The following ZIM3 variants were observed in gnomAD, a reference collection of about 807,000 sequenced individuals.
The protein encoded by ZIM3 is zinc finger imprinted 3.
A neutral mutation model predicts 12.9 loss-of-function variants in ZIM3; 11 were observed. That is an observed-to-expected ratio of 0.85 (90% confidence interval 0.54 to 1.41). The LOEUF (loss-of-function observed/expected upper bound fraction) is 1.41. ZIM3 is among the 40% of genes most tolerant of loss of function. ZIM3 has a pLI of 0.00. For synonymous variants in ZIM3, 205 were observed against 198.5 expected, an observed-to-expected ratio of 1.03 and a Z score of -0.28; for missense variants, 604 against 557.2, an observed-to-expected ratio of 1.08 and a Z score of -0.85.
At chr19:57,139,463 C>A (rs989597055) in intron 2 of ZIM3, among the ~76,000 whole-genome samples, 1 of 152,066 alleles carries the variant, frequency 6.6e-6, no homozygotes, top group Non-Finnish European at 1.5e-5. Flanking sequence ...TGGTGGCTCA[C>A]ACCTATAATC....
rs1182857038 is a variant in ZIM3, at chr19:57,144,955, C to T, written c.-139G>A. 1 of 152,184 alleles carries T rather than the reference C, an allele frequency of 6.6e-6. No homozygotes were observed. The highest frequency in any genetic ancestry group is 1.5e-5 in the Non-Finnish European group (1 of 68,042). 9.4% of individuals were successfully genotyped at this position (152,184 alleles called of 1,614,324 possible). Reference sequence around the variant, plus strand: ...GACTGAAAATGAAAAGGCGTGTATACTGAAAAGCTACACTAATGACTAAAA... The same window carrying T: ...GACTGAAAATGAAAAGGCGTGTATATTGAAAAGCTACACTAATGACTAAAA... On this transcript the variant is annotated 5_prime_UTR_variant, in exon 1 of 5. Transcript: ENST00000269834.
In ZIM3 at chr19:57,138,488, G is replaced by T; in HGVS notation, c.126C>A (p.Ser42Arg). ...LYRDVMLENY[S>R]NLVSVGQGET... ...CGTCCTTACCCACAGAGACAAGGTT[G>T]CTGTAATTCTCCAGCATCACATCCC... The change falls in exon 3 of 5, where the codon AGC (serine) becomes AGA (arginine). Residue 42 changes from serine to arginine, a missense_variant. By Grantham distance (110) the Ser-to-Arg change is moderately radical (BLOSUM62 -1). Transcript: ENST00000269834. The T allele has an allele frequency of 6.2e-7, 1 of 1,614,178 alleles. No individual in the cohort carries two copies. Among genetic ancestry groups the T allele is most frequent in the Non-Finnish European group, 8.5e-7 (1 of 1,180,034 alleles).
At chr19:57,136,844 T>A in intron 4 of ZIM3, 29 bp downstream of exon 4, 1 of 1,598,890 alleles carries the variant, frequency 6.3e-7, no homozygotes, top group Non-Finnish European at 8.6e-7. Flanking sequence ...CATGCACCAT[T>A]GACCCACAGT....
At position 57,135,548 on chromosome 19, in the gene ZIM3, T is replaced by G. The variant is rs750825182; in HGVS notation, c.789A>C (p.Lys263Asn). Residue 263 changes from lysine to asparagine, a missense_variant, in exon 5 of 5, where the codon AAA becomes AAC. Transcript: ENST00000269834. Reference sequence around the variant, plus strand: ...TTTTCTCATGATTAATGCAGGATGATTTCCAGGAAAAGGCTTTTCCACATG... The same window carrying G: ...TTTTCTCATGATTAATGCAGGATGAGTTCCAGGAAAAGGCTTTTCCACATG... ...CKTCGKAFSW[K>N]SSCINHEKIH... 1.2e-6 allele frequency: 2 copies of G among 1,613,998 alleles called. No individual in the cohort carries two copies. The highest frequency in any genetic ancestry group is 1.7e-6 in the Non-Finnish European group (2 of 1,179,956).
At chr19:57,144,509 A>G (rs2086928874) in intron 1 of ZIM3, among the ~76,000 whole-genome samples, 1 of 152,218 alleles carries the variant, frequency 6.6e-6, no homozygotes, top group African/African-American at 2.4e-5. Flanking sequence ...ACAAAAATAG[A>G]TTAATTAGCT....
Position 57,134,960 on chromosome 19 carries a change from C to T in ZIM3, c.1377G>A (p.Arg459=), listed in dbSNP as rs763467059. Residue 459 remains arginine (R), a synonymous_variant, in exon 5 of 5, where the codon AGG becomes AGA. Coordinates refer to ENST00000269834, the MANE Select transcript of ZIM3 (RefSeq NM_052882.1). ...TTTTCTGGTGCCTAACAAGGTATGA[C>T]CTGTCAGCGAAGGCTTTACCGCATT... ...CSECGKAFAD[R]SYLVRHQKRI... 2.5e-6 allele frequency: 4 copies of T among 1,613,960 alleles called. No individual in the cohort carries two copies. Among genetic ancestry groups the T allele is most frequent in the African/African-American group, 1.3e-5 (1 of 74,886 alleles).
chr19:57,136,040 ACT>A lies in ZIM3; in HGVS notation c.295_296del (p.Leu100ArgfsTer9), dbSNP rs1313988518. 4 of 1,613,730 alleles carry A rather than the reference ACT, an allele frequency of 2.5e-6. No homozygotes were observed. In the African/African-American group the frequency reaches 5.3e-5, roughly 22 times the overall value. On this transcript the variant is annotated frameshift_variant, in exon 5 of 5. Coordinates refer to ENST00000269834, the MANE Select transcript of ZIM3 (RefSeq NM_052882.1). LOFTEE classifies it low-confidence loss of function (END_TRUNC). ...TGATTGATGGGACTTCTCTTGCGAG[ACT>A]CTCTTTCACATCCTTTGGCTTCCAA... ...QIWKPKDVKE[S>X]LAREVPSINK...
chr19:57,139,264 G>A (rs540132390), intron 2 of ZIM3, among the ~76,000 whole-genome samples: 1 of 151,502 alleles, frequency 6.6e-6, no homozygotes, highest in South Asian at 2.1e-4. Flanking sequence ...GGAGGTGGAG[G>A]CTGCAGTGAG....
At chr19:57,136,556 C>T (rs936184772) in intron 4 of ZIM3, among the ~76,000 whole-genome samples, 2 of 150,874 alleles carry the variant, frequency 1.3e-5, no homozygotes, top group African/African-American at 2.4e-5. Context: ...CCCAGCTACT[C>T]GGGAGGCTGA....
At chr19:57,143,847 TG>T (rs1399139357) in intron 1 of ZIM3, among the ~76,000 whole-genome samples, 1 of 151,550 alleles carries the variant, frequency 6.6e-6, no homozygotes, top group Non-Finnish European at 1.5e-5. Context: ...AGCTAATTTT[TG>T]CATTTTTAGT....
Position 57,137,839 on chromosome 19 carries a change from AAAGG to A in ZIM3, c.142+629_142+632del, listed in dbSNP as rs202182123. ...GGAATGGAGAGAGGGAGGGAGGGAG[AAAGG>A]AAGGAAGGAAGGAAGGAAGGAAGGA... On this transcript the variant is annotated intron_variant, in intron 3 of 4. Coordinates refer to ENST00000269834, the MANE Select transcript of ZIM3 (RefSeq NM_052882.1). 6.1e-3 allele frequency among the ~76,000 whole-genome samples: 516 copies of A among 84,256 alleles called. 30 individuals are homozygous for A. The highest frequency in any genetic ancestry group is 0.026 in the African/African-American group (447 of 17,308). 55.3% of individuals were successfully genotyped at this position (84,256 alleles called of 152,430 possible). A position where few individuals can be genotyped will look rare whatever the true frequency, so the allele number is the denominator to read the frequency against.
chr19:57,139,275 C>A (rs1431501889), intron 2 of ZIM3, among the ~76,000 whole-genome samples: 1 of 151,044 alleles, frequency 6.6e-6, no homozygotes, highest in Non-Finnish European at 1.5e-5. Context: ...CTGCAGTGAG[C>A]CAAGATTGCG....
At chr19:57,142,739 G>A (rs2086919141) in intron 1 of ZIM3, 54 bp from the exon 2 acceptor site, 1 of 1,414,354 alleles carries the variant, frequency 7.1e-7, no homozygotes, top group African/African-American at 1.4e-5. Context: ...TTGGAAGTTG[G>A]GGATCATCCA....
At chr19:57,143,276 A>G (rs2086922354) in intron 1 of ZIM3, among the ~76,000 whole-genome samples, 1 of 151,300 alleles carries the variant, frequency 6.6e-6, no homozygotes, top group South Asian at 2.1e-4. Flanking sequence ...GCTTGCAGTG[A>G]GCCGAGATCG....
intron 2 of ZIM3, among the ~76,000 whole-genome samples, chr19:57,139,051 G>A (rs2086902232): frequency 6.6e-6 from 1 of 152,164 alleles, no homozygotes; most frequent in South Asian, 2.1e-4. Flanking sequence ...TTTTGGCCGG[G>A]CACGGTGGCT....
At chr19:57,140,655 G>A (rs943087660) in intron 2 of ZIM3, among the ~76,000 whole-genome samples, 2 of 151,788 alleles carry the variant, frequency 1.3e-5, no homozygotes, top group Admixed American at 6.6e-5. Flanking sequence ...TTTATTATTT[G>A]TAGACAGGGT....
chr19:57,143,410 T>A (rs1272857996), intron 1 of ZIM3, among the ~76,000 whole-genome samples: 1 of 148,888 alleles, frequency 6.7e-6, no homozygotes, highest in Non-Finnish European at 1.5e-5. Flanking sequence ...GCAAAGACAA[T>A]GAGGCAAGCA....
intron 1 of ZIM3, among the ~76,000 whole-genome samples, chr19:57,143,076 C>T (rs866148234): frequency 3.3e-5 from 5 of 152,028 alleles, no homozygotes; most frequent in Admixed American, 2.0e-4. Flanking sequence ...GCCTGTAATG[C>T]CAGCACTTTG....
chr19:57,141,657 C>A (rs2086914538), intron 2 of ZIM3, among the ~76,000 whole-genome samples: 2 of 152,018 alleles, frequency 1.3e-5, no homozygotes, highest in Admixed American at 1.3e-4. Flanking sequence ...TCGAGGCCAG[C>A]CTGGCCAACA....
Sources: gnomAD v4.1 joint callset for allele counts (sites outside exome capture counted in the v4.1 genomes callset) on GRCh38, gnomAD v4.1.1 for gene constraint, MANE v1.5 for transcripts, NCBI Gene and HGNC (gene_info 2026-07-23, HGNC 2026-07-21) for gene names.